SIN3B: variants seen among roughly 807,000 people sequenced by gnomAD.
The protein encoded by SIN3B is paired amphipathic helix protein Sin3b.
A neutral mutation model predicts 120.2 loss-of-function variants in SIN3B; 19 were observed. The ratio of observed to expected loss-of-function variants is 0.16; its 90% CI spans 0.11 to 0.23. The LOEUF is 0.23. SIN3B is among the 10% of genes least tolerant of loss of function. SIN3B has a pLI of 1.00. For synonymous variants in SIN3B, 654 were observed against 653.2 expected (o/e 1.00, Z -0.02); for missense variants, 1,073 against 1,573.0 (o/e 0.68, Z 5.38).
rs538041818 is a variant in SIN3B, at chr19:16,878,801, G to A, written c.*74G>A. On this transcript the variant is annotated 3_prime_UTR_variant, in exon 19 of 19. Transcript: ENST00000248054. Reference sequence around the variant, plus strand: ...CCTCGGCCTTGGTCGTGTCGGGGCCGTTTTCTTGAACGACGTGAGAGGCAT... The same window carrying A: ...CCTCGGCCTTGGTCGTGTCGGGGCCATTTTCTTGAACGACGTGAGAGGCAT... 8.1e-5 allele frequency: 109 copies of A among 1,342,890 alleles called. No individual in the cohort carries two copies. The East Asian group carries it at 1.8e-3, about 22-fold the overall frequency. The allele number at this position is 1,342,890 out of a possible 1,614,324, so 83.2% of individuals were successfully genotyped here.
intron 3 of SIN3B, 121 bp from the exon 4 acceptor site, chr19:16,841,646 TA>T: frequency 2.2e-6 from 2 of 915,658 alleles, no homozygotes; most frequent in Non-Finnish European, 3.5e-6. Context: ...TCCCTGTCTC[TA>T]ATACAGCTTG....
chr19:16,852,999 C>A, intron 6 of SIN3B, 70 bp from the exon 7 acceptor site: 1 of 1,266,646 alleles, frequency 7.9e-7, no homozygotes. Context: ...TCTTGAGACT[C>A]TGTGACAGCG....
rs775363290 is a variant in SIN3B, at chr19:16,878,311, T to C, written c.3083T>C (p.Leu1028Pro). The C allele has an allele frequency of 3.7e-5, 60 of 1,611,710 alleles. No homozygotes were observed. The highest frequency in any genetic ancestry group is 4.9e-5 in the Non-Finnish European group (58 of 1,179,404). ...TGCGACGTGGACTGCCGCTTCAAGC[T>C]CAGCACTCACAAGATGGTGTTCATC... ...SACDVDCRFKLSTHKMVFIVN... is the reference protein window; with the variant it reads ...SACDVDCRFKPSTHKMVFIVN... Residue 1028 changes from leucine to proline, a missense_variant, in exon 18 of 19, where the codon CTC becomes CCC. Physicochemically the swap from Leu to Pro is moderately conservative, Grantham distance 98. This residue lies in a region of SIN3B where 311 missense variants were observed against 400.3 expected (regional missense o/e 0.78). Transcript: ENST00000248054.
At chr19:16,829,986 C>G (rs1410728281) in intron 2 of SIN3B, 89 bp downstream of exon 2, 5 of 852,542 alleles carry the variant, frequency 5.9e-6, no homozygotes, top group African/African-American at 3.3e-5. Context: ...CCAGCCTGCC[C>G]CCTTAGCCGG....
At chr19:16,842,769 G>A (rs892841886) in intron 4 of SIN3B, among the ~76,000 whole-genome samples, 8 of 152,202 alleles carry the variant, frequency 5.3e-5, no homozygotes, top group Non-Finnish European at 1.0e-4. Flanking sequence ...GTGGGCAGGA[G>A]AGGTGAGTCA....
intron 8 of SIN3B, among the ~76,000 whole-genome samples, chr19:16,856,248 T>C (rs533790539): frequency 4.6e-4 from 70 of 152,020 alleles, no homozygotes; most frequent in African/African-American, 1.6e-3. Context: ...GTGTGCGCGG[T>C]AGGAGTAGGC....
At position 16,871,257 on chromosome 19, in the gene SIN3B, G is replaced by A. The variant is rs770350610; in HGVS notation, c.2451G>A (p.Pro817=). The change falls in exon 14 of 19, where the codon CCG becomes CCA. Residue 817 remains proline, a synonymous_variant. Transcript: ENST00000248054. ...AAGTGGAGCTGGAGGAGTACTACCC[G>A]GCCTTCCTGGACATGGTGCGGAGCC... is the stretch of plus-strand genomic sequence containing the variant. ...PSEVELEEYY[P]AFLDMVRSLL... The A allele has an allele frequency of 1.4e-5, 22 of 1,614,104 alleles. No homozygotes were observed. The highest frequency in any genetic ancestry group is 4.5e-5 in the East Asian group (2 of 44,902).
intron 3 of SIN3B, among the ~76,000 whole-genome samples, chr19:16,837,592 TGAG>T (rs1971364164): frequency 6.6e-6 from 1 of 151,612 alleles, no homozygotes; most frequent in African/African-American, 2.4e-5. Flanking sequence ...TAGACAGTGA[TGAG>T]GACAGAGTGG....
intron 8 of SIN3B, among the ~76,000 whole-genome samples, chr19:16,858,025 TG>T (rs1307796510): frequency 1.1e-4 from 16 of 152,088 alleles, no homozygotes; most frequent in African/African-American, 3.9e-4. Flanking sequence ...TACAGGTGCC[TG>T]TGACCACACC....
In SIN3B at chr19:16,876,023, G is replaced by A. The variant is rs2051600123; in HGVS notation, c.2593-32G>A. 1 of 1,530,782 alleles carries A rather than the reference G, an allele frequency of 6.5e-7. No homozygotes were observed. The highest frequency in any genetic ancestry group is 1.2e-5 in the South Asian group (1 of 81,694). The allele number at this position is 1,530,782 out of a possible 1,614,324, so 94.8% of individuals were successfully genotyped here. A position where few individuals can be genotyped will look rare whatever the true frequency, so the allele number is the denominator to read the frequency against. On this transcript the variant is annotated intron_variant, in intron 14 of 18. Transcript: ENST00000248054. This position sits in a 1 kb window ranked among gnomAD's most constrained non-coding sequence, Gnocchi z 7.1. ...AGGTGGGGACTCCCGCAGGAGGCGG[G>A]GTGGCCGCACCACCTGCTTTCCTCC...
At chr19:16,837,380 A>G (rs1038879041) in intron 3 of SIN3B, among the ~76,000 whole-genome samples, 3 of 152,094 alleles carry the variant, frequency 2.0e-5, no homozygotes, top group African/African-American at 7.2e-5. Flanking sequence ...GATGGTGACA[A>G]GGACCAGAGA....
chr19:16,841,741 G>T, intron 3 of SIN3B, 27 bp from the exon 4 acceptor site: 1 of 1,606,100 alleles, frequency 6.2e-7, no homozygotes, highest in Non-Finnish European at 8.5e-7. Flanking sequence ...TGTCGGGCCT[G>T]GCAGTAACTC....
At chr19:16,834,766 G>C (rs1408310431) in intron 3 of SIN3B, among the ~76,000 whole-genome samples, 2 of 152,056 alleles carry the variant, frequency 1.3e-5, no homozygotes, top group Non-Finnish European at 2.9e-5. Flanking sequence ...AGAAACATGA[G>C]AGATATCCCA....
intron 6 of SIN3B, among the ~76,000 whole-genome samples, chr19:16,852,090 C>G (rs1333130826): frequency 1.3e-5 from 2 of 152,168 alleles, no homozygotes; most frequent in Admixed American, 1.3e-4. Context: ...CCATACTGTT[C>G]CAGATTGGGC....
At chr19:16,854,489 C>A in intron 8 of SIN3B, 1 of 500,388 alleles carries the variant, frequency 2.0e-6, no homozygotes, top group South Asian at 2.5e-5. Flanking sequence ...TAGTCAGTAT[C>A]CTCACCAGAA....
intron 3 of SIN3B, among the ~76,000 whole-genome samples, chr19:16,834,538 A>G (rs925312152): frequency 6.6e-6 from 1 of 152,162 alleles, no homozygotes; most frequent in African/African-American, 2.4e-5. Context: ...ACTTGGGGAA[A>G]GGCTTGAAAA....
chr19:16,850,867 G>A (rs944984394), intron 5 of SIN3B, among the ~76,000 whole-genome samples: 3 of 152,216 alleles, frequency 2.0e-5, no homozygotes, highest in Non-Finnish European at 4.4e-5. Flanking sequence ...CTGGGAGGCA[G>A]GCCCCGAACC....
At position 16,866,533 on chromosome 19, in the gene SIN3B, G is replaced by A; in HGVS notation, c.1783G>A (p.Glu595Lys). ...CCTGCGCTCCAAGAGCTTGCTCAAC[G>A]AGATCGAGAGCGTCTACGACGAGGT... ...KALRSKSLLNEIESVYDEHQE... is the reference protein window; with the variant it reads ...KALRSKSLLNKIESVYDEHQE... The change falls in exon 12 of 19, where the codon GAG becomes AAG. Residue 595 changes from glutamate (E) to lysine (K), a missense_variant. Coordinates refer to ENST00000248054, the MANE Select transcript of SIN3B (RefSeq NM_001297595.2). 3 of 1,613,908 alleles carry A rather than the reference G, an allele frequency of 1.9e-6. No individual in the cohort carries two copies. The highest frequency in any genetic ancestry group is 2.5e-6 in the Non-Finnish European group (3 of 1,179,996).
At chr19:16,853,770 G>T (rs1188150331) in intron 7 of SIN3B, among the ~76,000 whole-genome samples, 1 of 151,050 alleles carries the variant, frequency 6.6e-6, no homozygotes, top group Non-Finnish European at 1.5e-5. Flanking sequence ...GCGTGCAGGG[G>T]CTGTGTGAAT....
Sources: gnomAD v4.1 joint callset for allele counts (sites outside exome capture counted in the v4.1 genomes callset) on GRCh38, gnomAD v4.1.1 for gene constraint, gnomAD v4.1.1 regional missense constraint, Gnocchi (gnomAD v3.1) non-coding constraint, MANE v1.5 for transcripts, NCBI Gene and HGNC (gene_info 2026-07-23, HGNC 2026-07-21) for gene names.